Variants in BOD1L2 observed in about 807,000 individuals in gnomAD.
BOD1L2 encodes biorientation of chromosomes in cell division 1 like 2, also known as biorientation of chromosomes in cell division protein 1-like 2.
In BOD1L2, 6 loss-of-function variants were observed where a neutral mutation model predicts 5.3. The ratio of observed to expected loss-of-function variants is 1.14; its 90% CI spans 0.62 to 2.25. BOD1L2 has a LOEUF of 2.25. BOD1L2 is among the 30% of genes most tolerant of loss of function. BOD1L2 has a pLI of 0.00. For synonymous variants in BOD1L2, 96 were observed against 96.3 expected (o/e 1.00, Z 0.02); for missense variants, 210 against 227.2 (o/e 0.92, Z 0.49).
rs767120687 is a variant in BOD1L2, at chr18:57,147,574, G to A, written c.262G>A (p.Glu88Lys). The A allele has an allele frequency of 6.2e-7, 1 of 1,612,924 alleles. No homozygotes were observed. The highest frequency in any genetic ancestry group is 8.5e-7 in the Non-Finnish European group (1 of 1,179,826). ...NFVSTHLDKQ[E>K]WNPPANDNQL... ...TGTGTCGACACATCTGGACAAGCAG[G>A]AATGGAATCCTCCAGCAAACGACAA... Residue 88 changes from glutamate (E) to lysine (K), a missense_variant, in exon 1 of 1, where the codon GAA becomes AAA. Physicochemically the swap from Glu to Lys is moderately conservative, Grantham distance 56. Transcript: ENST00000585477.
In BOD1L2 at chr18:57,147,498, C is replaced by A; in HGVS notation, c.186C>A (p.Asp62Glu). The A allele has an allele frequency of 2.5e-6, 4 of 1,587,134 alleles. No homozygotes were observed. Among genetic ancestry groups the A allele is most frequent in the Non-Finnish European group, 3.4e-6 (4 of 1,167,602 alleles). ...GCTTCCGCCGGGACTGCAAGGCTGA[C>A]GTGGACACCAAGCCAGCTTACCAAA... ...FDSFRRDCKA[D>E]VDTKPAYQNL... The change falls in exon 1 of 1, where the codon GAC (aspartate) becomes GAA (glutamate). Residue 62 changes from aspartate (D) to glutamate (E), a missense_variant. Transcript: ENST00000585477.
rs533730322 is a variant in BOD1L2 at position 57,148,883 on chromosome 18, A to C, written c.*1052A>C. On this transcript the variant is annotated 3_prime_UTR_variant, in exon 1 of 1. Coordinates refer to ENST00000585477, the MANE Select transcript of BOD1L2 (RefSeq NM_001257964.2). Reference sequence around the variant, plus strand: ...CTCCTGAGGAGCCACACATCGTCTAAGCAGGAGTGACAGACTCCTTCCTCT... The same window carrying C: ...CTCCTGAGGAGCCACACATCGTCTACGCAGGAGTGACAGACTCCTTCCTCT... The C allele has an allele frequency of 2.6e-5, 4 of 152,356 alleles. No individual in the cohort carries two copies. In the East Asian group the frequency reaches 5.8e-4, roughly 22 times the overall value. 9.4% of individuals were successfully genotyped at this position (152,356 alleles called of 1,614,324 possible).
rs920936414 is a variant in BOD1L2 at position 57,149,716 on chromosome 18, C to G, written c.*1885C>G. 1 of 152,206 alleles carries G rather than the reference C, an allele frequency of 6.6e-6. No homozygotes were observed. Among genetic ancestry groups the G allele is most frequent in the Non-Finnish European group, 1.5e-5 (1 of 68,044 alleles). The allele number at this position is 152,206 out of a possible 1,614,324, so 9.4% of individuals were successfully genotyped here. Reference sequence around the variant, plus strand: ...GTACAAAAGAGCAGCTGGGCCACATCGGCACTAATCACTTGCCAACTTTCC... The same window carrying G: ...GTACAAAAGAGCAGCTGGGCCACATGGGCACTAATCACTTGCCAACTTTCC... On this transcript the variant is annotated 3_prime_UTR_variant, in exon 1 of 1. Transcript: ENST00000585477.
In BOD1L2 at chr18:57,147,936, A is replaced by C; in HGVS notation, c.*105A>C. The C allele has an allele frequency of 8.2e-7, 1 of 1,222,636 alleles. No individual in the cohort carries two copies. Among genetic ancestry groups the C allele is most frequent in the Non-Finnish European group, 1.1e-6 (1 of 893,686 alleles). 75.7% of individuals were successfully genotyped at this position (1,222,636 alleles called of 1,614,324 possible). A position where few individuals can be genotyped will look rare whatever the true frequency, so the allele number is the denominator to read the frequency against. ...AGATTGAAGATAAGCCAAGTTCATC[A>C]CTGAGCTCAAGATTTCCACCTCGAC... On this transcript the variant is annotated 3_prime_UTR_variant, in exon 1 of 1. Coordinates refer to ENST00000585477, the MANE Select transcript of BOD1L2 (RefSeq NM_001257964.2).
In BOD1L2 at chr18:57,149,666, A is replaced by T. The variant is rs1169823701; in HGVS notation, c.*1835A>T. 1 of 152,230 alleles carries T rather than the reference A, an allele frequency of 6.6e-6. No individual in the cohort carries two copies. Among genetic ancestry groups the T allele is most frequent in the Admixed American group, 6.5e-5 (1 of 15,286 alleles). The allele number at this position is 152,230 out of a possible 1,614,324, so 9.4% of individuals were successfully genotyped here. ...CCAGCTCTTTAAAGTTTAATGTCCC[A>T]GCCATTTTAATTGTTTCTTTCGAAG... On this transcript the variant is annotated 3_prime_UTR_variant, in exon 1 of 1. Transcript: ENST00000585477.
rs1568060438 is a variant in BOD1L2, at chr18:57,147,122, G to A, written c.-191G>A. ...TGCCGCGTCTTCCACAACCTCCGCG[G>A]TCTGGAGCTGGCCTCCCCCACCGCC... On this transcript the variant is annotated 5_prime_UTR_variant, in exon 1 of 1. Coordinates refer to ENST00000585477, the MANE Select transcript of BOD1L2 (RefSeq NM_001257964.2). 3.8e-5 allele frequency: 30 copies of A among 786,718 alleles called. No homozygotes were observed. The highest frequency in any genetic ancestry group is 4.8e-5 in the Non-Finnish European group (30 of 628,708). 48.7% of individuals were successfully genotyped at this position (786,718 alleles called of 1,614,324 possible).
chr18:57,148,105 G>A lies in BOD1L2; in HGVS notation c.*274G>A, dbSNP rs1256104629. ...ACACTACAGAGAGGGAAACACTACCGCGACCCAGGATTGTCCTGAAACAGA... is the reference window on the plus strand; with the variant it reads ...ACACTACAGAGAGGGAAACACTACCACGACCCAGGATTGTCCTGAAACAGA... On this transcript the variant is annotated 3_prime_UTR_variant, in exon 1 of 1. Coordinates refer to ENST00000585477, the MANE Select transcript of BOD1L2 (RefSeq NM_001257964.2). 4 of 352,516 alleles carry A rather than the reference G, an allele frequency of 1.1e-5. No individual in the cohort carries two copies. Among genetic ancestry groups the A allele is most frequent in the East Asian group, 1.0e-4 (2 of 19,996 alleles). The allele number at this position is 352,516 out of a possible 1,614,324, so 21.8% of individuals were successfully genotyped here.
Position 57,150,100 on chromosome 18 carries a change from T to A in BOD1L2, c.*2269T>A, listed in dbSNP as rs956355099. The A allele has an allele frequency of 8.5e-5, 13 of 152,180 alleles. No homozygotes were observed. Among genetic ancestry groups the A allele is most frequent in the Non-Finnish European group, 1.6e-4 (11 of 68,034 alleles). 9.4% of individuals were successfully genotyped at this position (152,180 alleles called of 1,614,324 possible). ...CATGGACCGTGCAATATTTGAAACA[T>A]ACTTGTATTAAAAAGTTATTTGTTG... On this transcript the variant is annotated 3_prime_UTR_variant, in exon 1 of 1. Transcript: ENST00000585477.
chr18:57,147,225 C>T lies in BOD1L2; in HGVS notation c.-88C>T, dbSNP rs1038896021. ...CCTCCTTGGGGCCCTCCTCCTTCACCGCCCCCTTAGCCACCTCTACACATT... is the reference window on the plus strand; with the variant it reads ...CCTCCTTGGGGCCCTCCTCCTTCACTGCCCCCTTAGCCACCTCTACACATT... On this transcript the variant is annotated 5_prime_UTR_variant, in exon 1 of 1. Coordinates refer to ENST00000585477, the MANE Select transcript of BOD1L2 (RefSeq NM_001257964.2). 1.9e-4 allele frequency: 212 copies of T among 1,092,756 alleles called. No homozygotes were observed. Among genetic ancestry groups the T allele is most frequent in the Admixed American group, 4.2e-4 (8 of 18,962 alleles). 67.7% of individuals were successfully genotyped at this position (1,092,756 alleles called of 1,614,324 possible).
chr18:57,147,511 C>A lies in BOD1L2; in HGVS notation c.199C>A (p.Pro67Thr). ...RDCKADVDTKPAYQNLSQKAD... is the reference protein window; with the variant it reads ...RDCKADVDTKTAYQNLSQKAD... ...CTGCAAGGCTGACGTGGACACCAAG[C>A]CAGCTTACCAAAACCTGAGCCAGAA... The change falls in exon 1 of 1, where the codon CCA (proline) becomes ACA (threonine). Residue 67 changes from proline to threonine, a missense_variant. Transcript: ENST00000585477. The A allele has an allele frequency of 1.3e-6, 2 of 1,596,894 alleles. No homozygotes were observed. Among genetic ancestry groups the A allele is most frequent in the African/African-American group, 1.3e-5 (1 of 74,444 alleles).
chr18:57,147,852 G>A lies in BOD1L2; in HGVS notation c.*21G>A. On this transcript the variant is annotated 3_prime_UTR_variant, in exon 1 of 1. Coordinates refer to ENST00000585477, the MANE Select transcript of BOD1L2 (RefSeq NM_001257964.2). ...CCTAAGAATATGCCTGACAGCTTTT[G>A]AAAGCGCTATTTAATTTTTGGTGAA... The A allele has an allele frequency of 6.4e-7, 1 of 1,568,766 alleles. No homozygotes were observed. The highest frequency in any genetic ancestry group is 1.2e-5 in the South Asian group (1 of 84,794).
chr18:57,147,981 G>A lies in BOD1L2; in HGVS notation c.*150G>A. The A allele has an allele frequency of 1.1e-6, 1 of 922,164 alleles. No individual in the cohort carries two copies. The allele number at this position is 922,164 out of a possible 1,614,324, so 57.1% of individuals were successfully genotyped here. A position where few individuals can be genotyped will look rare whatever the true frequency, so the allele number is the denominator to read the frequency against. On this transcript the variant is annotated 3_prime_UTR_variant, in exon 1 of 1. Transcript: ENST00000585477. ...CTCGACCATGAGCAGTGACCAGATT[G>A]AAAGGGAAGCAAGTTCGCCAGAGAG...
Position 57,147,491 on chromosome 18 carries a change from A to C in BOD1L2, c.179A>C (p.Lys60Thr), listed in dbSNP as rs756060960. The change falls in exon 1 of 1, where the codon AAG becomes ACG. Residue 60 changes from lysine to threonine, a missense_variant. By Grantham distance (78) the Lys-to-Thr change is moderately conservative. Coordinates refer to ENST00000585477, the MANE Select transcript of BOD1L2 (RefSeq NM_001257964.2). ...TTTGACAGCTTCCGCCGGGACTGCA[A>C]GGCTGACGTGGACACCAAGCCAGCT... The part of the protein sequence containing the change: ...GLFDSFRRDC[K>T]ADVDTKPAYQ... 6.3e-7 allele frequency: 1 copy of C among 1,581,462 alleles called. No individual in the cohort carries two copies. The highest frequency in any genetic ancestry group is 1.8e-5 in the Admixed American group (1 of 55,314).
In BOD1L2 at chr18:57,148,911, G is replaced by C. The variant is rs1203022508; in HGVS notation, c.*1080G>C. 6.6e-6 allele frequency: 1 copy of C among 152,224 alleles called. No homozygotes were observed. Among genetic ancestry groups the C allele is most frequent in the African/African-American group, 2.4e-5 (1 of 41,450 alleles). 9.4% of individuals were successfully genotyped at this position (152,224 alleles called of 1,614,324 possible). On this transcript the variant is annotated 3_prime_UTR_variant, in exon 1 of 1. Transcript: ENST00000585477. ...AGGAGTGACAGACTCCTTCCTCTGT[G>C]CTCCCATAGATCTCATAAGGGATGA...
At position 57,147,960 on chromosome 18, in the gene BOD1L2, A is replaced by G; in HGVS notation, c.*129A>G. On this transcript the variant is annotated 3_prime_UTR_variant, in exon 1 of 1. Transcript: ENST00000585477. The stretch of plus-strand genomic sequence containing the variant: ...CACTGAGCTCAAGATTTCCACCTCG[A>G]CCATGAGCAGTGACCAGATTGAAAG... 9.3e-7 allele frequency: 1 copy of G among 1,080,740 alleles called. No homozygotes were observed. Among genetic ancestry groups the G allele is most frequent in the Non-Finnish European group, 1.3e-6 (1 of 773,034 alleles). The allele number at this position is 1,080,740 out of a possible 1,614,324, so 66.9% of individuals were successfully genotyped here.
In BOD1L2 at chr18:57,148,001, A is replaced by G; in HGVS notation, c.*170A>G. On this transcript the variant is annotated 3_prime_UTR_variant, in exon 1 of 1. Transcript: ENST00000585477. ...AGATTGAAAGGGAAGCAAGTTCGCC[A>G]GAGAGAAAGTTGACCGTGGCACCCT... is the stretch of plus-strand genomic sequence containing the variant. 2 of 787,714 alleles carry G rather than the reference A, an allele frequency of 2.5e-6. No individual in the cohort carries two copies. The highest frequency in any genetic ancestry group is 3.9e-6 in the Non-Finnish European group (2 of 517,394). 48.8% of individuals were successfully genotyped at this position (787,714 alleles called of 1,614,324 possible).
Position 57,147,213 on chromosome 18 carries a change from C to G in BOD1L2, c.-100C>G. 9.3e-7 allele frequency: 1 copy of G among 1,078,032 alleles called. No individual in the cohort carries two copies. Among genetic ancestry groups the G allele is most frequent in the Non-Finnish European group, 1.1e-6 (1 of 888,134 alleles). The allele number at this position is 1,078,032 out of a possible 1,614,324, so 66.8% of individuals were successfully genotyped here. On this transcript the variant is annotated 5_prime_UTR_variant, in exon 1 of 1. Transcript: ENST00000585477. ...CCTCCGCCGCTGCCTCCTTGGGGCC[C>G]TCCTCCTTCACCGCCCCCTTAGCCA...
In BOD1L2 at chr18:57,149,008, C is replaced by T. The variant is rs760552113; in HGVS notation, c.*1177C>T. 9.2e-5 allele frequency: 14 copies of T among 152,338 alleles called. No individual in the cohort carries two copies. Among genetic ancestry groups the T allele is most frequent in the Non-Finnish European group, 1.8e-4 (12 of 68,036 alleles). 9.4% of individuals were successfully genotyped at this position (152,338 alleles called of 1,614,324 possible). On this transcript the variant is annotated 3_prime_UTR_variant, in exon 1 of 1. Transcript: ENST00000585477. ...GCTCTACAGCTGGCAGTGTACTAAA[C>T]GCTTAACTTCGCTTACCGTAGTAAG...
rs2048942085 is a variant in BOD1L2 at position 57,148,931 on chromosome 18, G to A, written c.*1100G>A. The A allele has an allele frequency of 6.6e-6, 1 of 152,174 alleles. No individual in the cohort carries two copies. The highest frequency in any genetic ancestry group is 1.5e-5 in the Non-Finnish European group (1 of 68,040). The allele number at this position is 152,174 out of a possible 1,614,324, so 9.4% of individuals were successfully genotyped here. On this transcript the variant is annotated 3_prime_UTR_variant, in exon 1 of 1. Coordinates refer to ENST00000585477, the MANE Select transcript of BOD1L2 (RefSeq NM_001257964.2). ...TCTGTGCTCCCATAGATCTCATAAG[G>A]GATGACCACACTTACTATAGTAGCT...
Sources: gnomAD v4.1 joint callset for allele counts on GRCh38, gnomAD v4.1.1 for gene constraint, MANE v1.5 for transcripts, NCBI Gene and HGNC (gene_info 2026-07-23, HGNC 2026-07-21) for gene names.